The following IGSF3 variants were observed in gnomAD, a reference collection of about 807,000 sequenced individuals.
IGSF3 encodes the protein glu-Trp-Ile EWI motif-containing protein 3.
A neutral mutation model predicts 114.4 loss-of-function variants in IGSF3; 23 were observed. The observed-to-expected ratio is 0.20, with a 90% CI of 0.14 to 0.28. The LOEUF is 0.28. Ranked by LOEUF, IGSF3 falls within the 10% of genes least tolerant of loss-of-function variation. The pLI is 1.00. For synonymous variants in IGSF3, 571 were observed against 645.2 expected, an observed-to-expected ratio of 0.88 and a Z score of 1.74; for missense variants, 1,172 against 1,591.5, an observed-to-expected ratio of 0.74 and a Z score of 4.48.
In IGSF3 at chr1:116,624,908, GA is replaced by G. The variant is rs1470201804; in HGVS notation, c.44-8452del. On this transcript the variant is annotated intron_variant, in intron 2 of 10. Transcript: ENST00000369486. The surrounding 1 kb of genome is among the most constrained non-coding windows in gnomAD (Gnocchi z 4.9). ...CAGGTCCACCTGCCACAATGTGAGT[GA>G]ATGAGCCAATCAGCACCCAGCTCCA... Among the ~76,000 whole-genome samples, 1 of 152,210 alleles carries G rather than the reference GA, an allele frequency of 6.6e-6. No homozygotes were observed. Among genetic ancestry groups the G allele is most frequent in the Non-Finnish European group, 1.5e-5 (1 of 68,044 alleles).
chr1:116,579,516 T>C lies in IGSF3; in HGVS notation c.3210A>G (p.Ala1070=). ...PVLYRLTVLQ[A]SPQDTGNYSC... is the part of the protein sequence containing the mutation. ...AGTAATTGCCTGTATCTTGGGGGCT[T>C]GCCTGCAGCACTGTGAGCCGGTAGA... Residue 1070 remains alanine (A), a synonymous_variant, in exon 10 of 11, where the codon GCA becomes GCG. Coordinates refer to ENST00000369486, the MANE Select transcript of IGSF3 (RefSeq NM_001007237.3). The surrounding 1 kb of genome is among the most constrained non-coding windows in gnomAD (Gnocchi z 6.4). 1 of 1,614,100 alleles carries C rather than the reference T, an allele frequency of 6.2e-7. No homozygotes were observed. Among genetic ancestry groups the C allele is most frequent in the Non-Finnish European group, 8.5e-7 (1 of 1,180,024 alleles).
chr1:116,611,039 T>TC (rs1661001306), intron 4 of IGSF3, among the ~76,000 whole-genome samples: 1 of 152,230 alleles, frequency 6.6e-6, no homozygotes, highest in African/African-American at 2.4e-5. Flanking sequence ...GGACCCCTCC[T>TC]TCCACTTGCT....
Position 116,603,888 on chromosome 1 carries a change from G to C in IGSF3, c.1360C>G (p.Gln454Glu). The change falls in exon 6 of 11, where the codon CAG (glutamine) becomes GAG (glutamate). Residue 454 changes from glutamine to glutamate, a missense_variant. Around this residue, in one of 3 missense-constraint regions of IGSF3, gnomAD observed 736 missense variants for 1,042.0 expected, o/e 0.71. Transcript: ENST00000369486. The surrounding 1 kb of genome is among the most constrained non-coding windows in gnomAD (Gnocchi z 7.1). Reference sequence around the variant, plus strand: ...CACATGATATTGCTGCGGCGGTTCTGCCTGTCCACAAGCTGCCAGATGACA... The same window carrying C: ...CACATGATATTGCTGCGGCGGTTCTCCCTGTCCACAAGCTGCCAGATGACA... ...FSVIWQLVDRQNRRSNIMWLD... is the reference protein window; with the variant it reads ...FSVIWQLVDRENRRSNIMWLD... 1 of 1,614,082 alleles carries C rather than the reference G, an allele frequency of 6.2e-7. No individual in the cohort carries two copies. The highest frequency in any genetic ancestry group is 8.5e-7 in the Non-Finnish European group (1 of 1,179,980).
chr1:116,614,153 G>A lies in IGSF3; in HGVS notation c.444C>T (p.Thr148=). Residue 148 remains threonine (T), a synonymous_variant, in exon 4 of 11, where the codon ACC becomes ACT. Transcript: ENST00000369486. The surrounding 1 kb of genome is among the most constrained non-coding windows in gnomAD (Gnocchi z 4.5). ...TGTGCAGAGTCTGGGGCATGGCAGT[G>A]GTCTGCAGGGAGTCTGGGATCACTG... ...NLVVIPDSLQ[T]TAMPQTLHRV... is the part of the protein sequence containing the mutation. The A allele has an allele frequency of 1.9e-6, 3 of 1,611,042 alleles. No individual in the cohort carries two copies. Among genetic ancestry groups the A allele is most frequent in the Non-Finnish European group, 2.5e-6 (3 of 1,177,944 alleles).
chr1:116,630,127 C>T (rs1293853727), intron 2 of IGSF3, among the ~76,000 whole-genome samples: 1 of 152,204 alleles, frequency 6.6e-6, no homozygotes, highest in African/African-American at 2.4e-5. Flanking sequence ...GGATTTGGAA[C>T]AAGATTTGGG....
chr1:116,579,419 G>C lies in IGSF3; in HGVS notation c.3307C>G (p.Pro1103Ala). ...GTATCTAGAACACGGATGCCGATGG[G>C]GGCTGACTCCTCCTCCGTCAGCCGG... Reference protein sequence around the residue: ...WYRLTEEESAPIGIRVLDTSP... With the variant: ...WYRLTEEESAAIGIRVLDTSP... Residue 1103 changes from proline to alanine, a missense_variant, in exon 10 of 11, where the codon CCC becomes GCC. Around this residue, in one of 3 missense-constraint regions of IGSF3, gnomAD observed 423 missense variants for 509.8 expected, o/e 0.83. Coordinates refer to ENST00000369486, the MANE Select transcript of IGSF3 (RefSeq NM_001007237.3). The surrounding 1 kb of genome is among the most constrained non-coding windows in gnomAD (Gnocchi z 6.4). The C allele has an allele frequency of 6.3e-7, 1 of 1,593,366 alleles. No individual in the cohort carries two copies. Among genetic ancestry groups the C allele is most frequent in the Non-Finnish European group, 8.6e-7 (1 of 1,168,546 alleles).
At position 116,579,847 on chromosome 1, in the gene IGSF3, G is replaced by T; in HGVS notation, c.2879C>A (p.Pro960His). The T allele has an allele frequency of 6.2e-7, 1 of 1,610,652 alleles. No individual in the cohort carries two copies. Among genetic ancestry groups the T allele is most frequent in the Non-Finnish European group, 8.5e-7 (1 of 1,179,304 alleles). The change falls in exon 10 of 11, where the codon CCC becomes CAC. Residue 960 changes from proline to histidine, a missense_variant. This residue lies in a region of IGSF3 where 423 missense variants were observed against 509.8 expected (regional missense o/e 0.83). Transcript: ENST00000369486. The surrounding 1 kb of genome is among the most constrained non-coding windows in gnomAD (Gnocchi z 6.4). ...DASLQVDTVV[P>H]NATVSEKAAF... ...TGCCTTCTCAGAGACCGTGGCATTG[G>T]GGACCACTGTGTCCACCTGCAGGGA...
chr1:116,585,493 C>T lies in IGSF3; in HGVS notation c.2441-441G>A, dbSNP rs1040376212. 6.6e-6 allele frequency among the ~76,000 whole-genome samples: 1 copy of T among 152,152 alleles called. No individual in the cohort carries two copies. The highest frequency in any genetic ancestry group is 2.4e-5 in the African/African-American group (1 of 41,436). Reference sequence around the variant, plus strand: ...TGGTGGCTAGAAAATGCTGGGCCACCAACTACAAAAGAACTGCAGGGGAAA... The same window carrying T: ...TGGTGGCTAGAAAATGCTGGGCCACTAACTACAAAAGAACTGCAGGGGAAA... On this transcript the variant is annotated intron_variant, in intron 8 of 10. Transcript: ENST00000369486. The surrounding 1 kb of genome is among the most constrained non-coding windows in gnomAD (Gnocchi z 4.9).
chr1:116,603,917 A>C lies in IGSF3; in HGVS notation c.1331T>G (p.Phe444Cys). ...VRTAGRPQGR[F>C]SVIWQLVDRQ... ...GTCCACAAGCTGCCAGATGACAGAGAAGCGACCCTGCGGCCTGCCTGCCGT... is the reference window on the plus strand; with the variant it reads ...GTCCACAAGCTGCCAGATGACAGAGCAGCGACCCTGCGGCCTGCCTGCCGT... Residue 444 changes from phenylalanine (F) to cysteine (C), a missense_variant, in exon 6 of 11, where the codon TTC becomes TGC. Transcript: ENST00000369486. The surrounding 1 kb of genome is among the most constrained non-coding windows in gnomAD (Gnocchi z 7.1). 6.2e-7 allele frequency: 1 copy of C among 1,614,060 alleles called. No homozygotes were observed. Among genetic ancestry groups the C allele is most frequent in the Non-Finnish European group, 8.5e-7 (1 of 1,179,996 alleles).
Position 116,616,069 on chromosome 1 carries a change from C to T in IGSF3, c.421+11G>A. Reference sequence around the variant, plus strand: ...CCAGACGCTGGCAACGTGAAGACAGCTTCTCCTTACCCACTAGGTTCATCT... The same window carrying T: ...CCAGACGCTGGCAACGTGAAGACAGTTTCTCCTTACCCACTAGGTTCATCT... On this transcript the variant is annotated intron_variant, in intron 3 of 10. Coordinates refer to ENST00000369486, the MANE Select transcript of IGSF3 (RefSeq NM_001007237.3). The surrounding 1 kb of genome is among the most constrained non-coding windows in gnomAD (Gnocchi z 6.6). The T allele has an allele frequency of 6.3e-7, 1 of 1,585,476 alleles. No homozygotes were observed. The highest frequency in any genetic ancestry group is 8.6e-7 in the Non-Finnish European group (1 of 1,156,738).
In IGSF3 at chr1:116,632,698, A is replaced by G. The variant is rs1171049393; in HGVS notation, c.44-16241T>C. Among the ~76,000 whole-genome samples the G allele has an allele frequency of 6.6e-6, 1 of 152,172 alleles. No individual in the cohort carries two copies. On this transcript the variant is annotated intron_variant, in intron 2 of 10. Transcript: ENST00000369486. This position sits in a 1 kb window ranked among gnomAD's most constrained non-coding sequence, Gnocchi z 5.1. ...GGCTGTACTCATTAACTCAGAGCTG[A>G]CCTCGTCTGGCAGGATTAACTAGCC...
At position 116,642,462 on chromosome 1, in the gene IGSF3, G is replaced by A. The variant is rs1274688317; in HGVS notation, c.43+23822C>T. ...TTAGGGGAAGGGGCTCAGGCACTGG[G>A]AGTCGGTCAGGGCTCCCAGAATGTA... On this transcript the variant is annotated intron_variant, in intron 2 of 10. Coordinates refer to ENST00000369486, the MANE Select transcript of IGSF3 (RefSeq NM_001007237.3). This position sits in a 1 kb window ranked among gnomAD's most constrained non-coding sequence, Gnocchi z 5.4. Among the ~76,000 whole-genome samples the A allele has an allele frequency of 6.6e-6, 1 of 152,186 alleles. No individual in the cohort carries two copies. Among genetic ancestry groups the A allele is most frequent in the Non-Finnish European group, 1.5e-5 (1 of 68,040 alleles).
Position 116,588,859 on chromosome 1 carries a change from G to A in IGSF3, c.2275C>T (p.His759Tyr). Residue 759 changes from histidine (H) to tyrosine (Y), a missense_variant, in exon 8 of 11, where the codon CAT becomes TAT. Physicochemically the swap from His to Tyr is moderately conservative, Grantham distance 83. Around this residue, in one of 3 missense-constraint regions of IGSF3, gnomAD observed 736 missense variants for 1,042.0 expected, o/e 0.71. Transcript: ENST00000369486. The surrounding 1 kb of genome is among the most constrained non-coding windows in gnomAD (Gnocchi z 4.9). ...AGGCTGAACAGGCCCCCCGACACAT[G>A]CCTCTCAAACTGGAGCCTGGCTCTC... ...GLRARLQFERHVSGGLFSLTV... is the reference protein window; with the variant it reads ...GLRARLQFERYVSGGLFSLTV... 6.2e-7 allele frequency: 1 copy of A among 1,614,180 alleles called. No individual in the cohort carries two copies.
intron 7 of IGSF3, among the ~76,000 whole-genome samples, chr1:116,591,515 T>A (rs531170): frequency 0.58 from 87,700 of 152,140 alleles, 28,163 homozygotes; most frequent in African/African-American, 0.87. Context: ...TCTGAGAACA[T>A]GAATTCAAGG....
At chr1:116,652,112 T>C (rs756183889) in intron 2 of IGSF3, among the ~76,000 whole-genome samples, 4 of 152,198 alleles carry the variant, frequency 2.6e-5, no homozygotes, top group African/African-American at 4.8e-5. Context: ...ATACTGATGA[T>C]ATAAGGTTGA....
rs1348291477 is a variant in IGSF3 at position 116,600,848 on chromosome 1, C to A, written c.1625-503G>T. Among the ~76,000 whole-genome samples, 4 of 152,130 alleles carry A rather than the reference C, an allele frequency of 2.6e-5. No homozygotes were observed. Among genetic ancestry groups the A allele is most frequent in the Admixed American group, 6.5e-5 (1 of 15,284 alleles). On this transcript the variant is annotated intron_variant, in intron 6 of 10. Coordinates refer to ENST00000369486, the MANE Select transcript of IGSF3 (RefSeq NM_001007237.3). This position sits in a 1 kb window ranked among gnomAD's most constrained non-coding sequence, Gnocchi z 5.5. ...GAGTCGGCCTCCAGTCCCTTTCTCA[C>A]GTCCCTCATGAAATCCAAAAACAGA...
rs1240721816 is a variant in IGSF3, at chr1:116,615,534, T to A, written c.421+546A>T. Among the ~76,000 whole-genome samples, 1 of 152,152 alleles carries A rather than the reference T, an allele frequency of 6.6e-6. No individual in the cohort carries two copies. The highest frequency in any genetic ancestry group is 2.4e-5 in the African/African-American group (1 of 41,442). On this transcript the variant is annotated intron_variant, in intron 3 of 10. Transcript: ENST00000369486. This position sits in a 1 kb window ranked among gnomAD's most constrained non-coding sequence, Gnocchi z 4.3. ...GCTGCCCACAATGGAAGCTCCTGCA[T>A]CCCTCTTCCTCATGTTTCCTTCAGC...
Position 116,616,314 on chromosome 1 carries a change from A to G in IGSF3, c.187T>C (p.Ser63Pro). ...QNFQWSIYLPSSPEREVQIVS... is the reference protein window; with the variant it reads ...QNFQWSIYLPPSPEREVQIVS... ...ATCTGCACCTCTCGCTCTGGCGACG[A>G]AGGCAGGTAAATGGACCACTGGAAA... Residue 63 changes from serine (S) to proline (P), a missense_variant, in exon 3 of 11, where the codon TCG (serine) becomes CCG (proline). Around this residue, in one of 3 missense-constraint regions of IGSF3, gnomAD observed 736 missense variants for 1,042.0 expected, o/e 0.71. Coordinates refer to ENST00000369486, the MANE Select transcript of IGSF3 (RefSeq NM_001007237.3). The surrounding 1 kb of genome is among the most constrained non-coding windows in gnomAD (Gnocchi z 6.6). 1 of 1,612,198 alleles carries G rather than the reference A, an allele frequency of 6.2e-7. No individual in the cohort carries two copies. Among genetic ancestry groups the G allele is most frequent in the Non-Finnish European group, 8.5e-7 (1 of 1,179,930 alleles).
In IGSF3 at chr1:116,634,854, T is replaced by C. The variant is rs526890; in HGVS notation, c.44-18397A>G. 0.73 allele frequency among the ~76,000 whole-genome samples: 110,208 copies of C among 151,890 alleles called. 41,122 individuals carry two copies. The highest frequency in any genetic ancestry group is 0.91 in the African/African-American group (37,613 of 41,440). Reference sequence around the variant, plus strand: ...CTGGGACACACATTTGGAGCCTGAGTTGCGGTGTAAGCCATCTGCCTGCTC... The same window carrying C: ...CTGGGACACACATTTGGAGCCTGAGCTGCGGTGTAAGCCATCTGCCTGCTC... On this transcript the variant is annotated intron_variant, in intron 2 of 10. Coordinates refer to ENST00000369486, the MANE Select transcript of IGSF3 (RefSeq NM_001007237.3). The surrounding 1 kb of genome is among the most constrained non-coding windows in gnomAD (Gnocchi z 4.2).
Sources: allele counts gnomAD v4.1 joint callset (sites outside exome capture counted in the v4.1 genomes callset), GRCh38; gene constraint gnomAD v4.1.1; regional missense constraint gnomAD v4.1.1; non-coding constraint Gnocchi (gnomAD v3.1); transcripts MANE v1.5; gene names NCBI Gene and HGNC (gene_info 2026-07-23, HGNC 2026-07-21).